The following EFR3B variants were observed in gnomAD, a reference collection of about 807,000 sequenced individuals.
The protein encoded by EFR3B is EFR3 homolog B, also known as protein EFR3 homolog B.
EFR3B carries 64 observed loss-of-function variants against 104.7 expected under a neutral mutation model. The observed-to-expected ratio is 0.61, with a 90% confidence interval of 0.50 to 0.75. The LOEUF is 0.75. EFR3B is among the 30% of genes least tolerant of loss of function. The pLI is 0.00. For missense variants in EFR3B, 750 were observed against 1,078.5 expected (o/e 0.70, Z 4.27); for synonymous variants, 385 against 417.9 (o/e 0.92, Z 0.96).
rs2149207696 is a variant in EFR3B at position 25,136,134 on chromosome 2, A to C, written c.1485-389A>C. 6.6e-6 allele frequency among the ~76,000 whole-genome samples: 1 copy of C among 152,186 alleles called. No individual in the cohort carries two copies. The highest frequency in any genetic ancestry group is 1.9e-4 in the East Asian group (1 of 5,160). On this transcript the variant is annotated intron_variant, in intron 13 of 22. Coordinates refer to ENST00000403714, the MANE Select transcript of EFR3B (RefSeq NM_014971.2). The surrounding 1 kb of genome is among the most constrained non-coding windows in gnomAD (Gnocchi z 4.0). ...AGTTCAAGACCAGCCAGGGCAACAT[A>C]GTGAGACCCCCATCTCTACAAGAAA...
Position 25,114,403 on chromosome 2 carries a change from G to A in EFR3B, c.364-7270G>A, listed in dbSNP as rs145321307. Among the ~76,000 whole-genome samples the A allele has an allele frequency of 2.0e-5, 3 of 152,294 alleles. No individual in the cohort carries two copies. Among genetic ancestry groups the A allele is most frequent in the Middle Eastern group, 6.8e-3 (2 of 294 alleles). On this transcript the variant is annotated intron_variant, in intron 4 of 22. Transcript: ENST00000403714. This position sits in a 1 kb window ranked among gnomAD's most constrained non-coding sequence, Gnocchi z 4.0. ...AAACCAAGGGATCCTAAGGAGGCTC[G>A]AGATCCTGGTACCAAAAAGGTGCTT...
rs529690516 is a variant in EFR3B, at chr2:25,141,316, C to G, written c.1855-50C>G. 3 of 1,538,720 alleles carry G rather than the reference C, an allele frequency of 1.9e-6. No homozygotes were observed. In the African/African-American group the frequency reaches 4.1e-5, roughly 21 times the overall value. Reference sequence around the variant, plus strand: ...TGGGAGCTCTTTCGTTGCCTGTGAGCTCCCTCTCCCTGCTGAACCAGCTCT... The same window carrying G: ...TGGGAGCTCTTTCGTTGCCTGTGAGGTCCCTCTCCCTGCTGAACCAGCTCT... On this transcript the variant is annotated intron_variant, in intron 16 of 22. Coordinates refer to ENST00000403714, the MANE Select transcript of EFR3B (RefSeq NM_014971.2).
chr2:25,142,096 C>T (rs1670684247), intron 17 of EFR3B, among the ~76,000 whole-genome samples: 1 of 152,032 alleles, frequency 6.6e-6, no homozygotes, highest in South Asian at 2.1e-4. Flanking sequence ...CCCATGAGTT[C>T]GAGACAACCA....
At chr2:25,107,918 G>A (rs191368635) in intron 4 of EFR3B, among the ~76,000 whole-genome samples, 16 of 151,356 alleles carry the variant, frequency 1.1e-4, no homozygotes, top group Admixed American at 3.3e-4. Flanking sequence ...ATCTTGGCTC[G>A]CTGCAACCTC....
chr2:25,045,506 G>A (rs1285498335), intron 1 of EFR3B, among the ~76,000 whole-genome samples: 1 of 152,254 alleles, frequency 6.6e-6, no homozygotes, highest in Non-Finnish European at 1.5e-5. Context: ...CTAAGGCTGG[G>A]CGTGGTGGCT....
intron 1 of EFR3B, among the ~76,000 whole-genome samples, chr2:25,045,617 AC>A (rs1667692581): frequency 6.6e-6 from 1 of 151,852 alleles, no homozygotes; most frequent in African/African-American, 2.4e-5. Context: ...CCCCGTCTCT[AC>A]CAAAAGTACA....
In EFR3B at chr2:25,087,104, G is replaced by A. The variant is rs116306973; in HGVS notation, c.8-4221G>A. On this transcript the variant is annotated intron_variant, in intron 1 of 22. Transcript: ENST00000403714. ...AACACGTCCTTCATATGGCGGCGGC[G>A]AGGAGAAGTGCAGAGTGAAGCAGGG... Among the ~76,000 whole-genome samples, 516 of 152,138 alleles carry A rather than the reference G, an allele frequency of 3.4e-3. 7 individuals are homozygous for A. Among genetic ancestry groups the A allele is most frequent in the African/African-American group, 0.012 (495 of 41,460 alleles).
At position 25,051,413 on chromosome 2, in the gene EFR3B, C is replaced by T. The variant is rs148900542; in HGVS notation, c.7+9094C>T. 2.0e-3 allele frequency among the ~76,000 whole-genome samples: 297 copies of T among 151,724 alleles called. 5 individuals are homozygous for T. Among genetic ancestry groups the T allele is most frequent in the African/African-American group, 6.8e-3 (279 of 41,066 alleles). On this transcript the variant is annotated intron_variant, in intron 1 of 22. Coordinates refer to ENST00000403714, the MANE Select transcript of EFR3B (RefSeq NM_014971.2). ...TACAGGCGTGAGCCACCACGCCCAG[C>T]CTGATTTCTCTTTTGATGGATGATG...
At chr2:25,074,968 C>T (rs1175608782) in intron 1 of EFR3B, among the ~76,000 whole-genome samples, 1 of 152,106 alleles carries the variant, frequency 6.6e-6, no homozygotes, top group Non-Finnish European at 1.5e-5. Flanking sequence ...GATTCATGGG[C>T]AGTTGCAAAG....
intron 19 of EFR3B, 65 bp downstream of exon 19, chr2:25,145,116 G>C: frequency 7.0e-7 from 1 of 1,436,322 alleles, no homozygotes; most frequent in Non-Finnish European, 9.6e-7. Flanking sequence ...TGGACTCCAG[G>C]CTCCCCTGCC....
chr2:25,043,399 C>T (rs917513571), intron 1 of EFR3B, among the ~76,000 whole-genome samples: 11 of 152,172 alleles, frequency 7.2e-5, no homozygotes, highest in African/African-American at 2.4e-4. Flanking sequence ...CCTCGCTCCG[C>T]GAACAGACTG....
intron 4 of EFR3B, among the ~76,000 whole-genome samples, 160 bp from the exon 5 acceptor site, chr2:25,121,513 G>A (rs1670013574): frequency 6.6e-6 from 1 of 152,196 alleles, no homozygotes; most frequent in African/African-American, 2.4e-5. Context: ...GAGCGGGATT[G>A]GGAACTCATC....
At chr2:25,110,288 C>T (rs1669689478) in intron 4 of EFR3B, among the ~76,000 whole-genome samples, 1 of 152,216 alleles carries the variant, frequency 6.6e-6, no homozygotes, top group African/African-American at 2.4e-5. Context: ...AATGCCCCCA[C>T]CTCAGAAAAC....
Position 25,125,702 on chromosome 2 carries a change from A to C in EFR3B, c.486-2481A>C, listed in dbSNP as rs554629548. 1.4e-4 allele frequency among the ~76,000 whole-genome samples: 22 copies of C among 152,312 alleles called. No homozygotes were observed. In the South Asian group the frequency reaches 4.1e-3, roughly 29 times the overall value. Reference sequence around the variant, plus strand: ...GGTGGCTCACGCCTGTAATCCCAGCACTTTGGGAGGCCAAGGCGGGAGGAT... The same window carrying C: ...GGTGGCTCACGCCTGTAATCCCAGCCCTTTGGGAGGCCAAGGCGGGAGGAT... On this transcript the variant is annotated intron_variant, in intron 5 of 22. Transcript: ENST00000403714.
At chr2:25,083,911 T>G (rs1366377601) in intron 1 of EFR3B, among the ~76,000 whole-genome samples, 7 of 152,164 alleles carry the variant, frequency 4.6e-5, no homozygotes, top group African/African-American at 1.7e-4. Flanking sequence ...ACACGTGCAC[T>G]CTACAGCCTG....
intron 1 of EFR3B, among the ~76,000 whole-genome samples, chr2:25,059,255 A>G (rs1360430960): frequency 2.6e-5 from 4 of 151,662 alleles, no homozygotes; most frequent in African/African-American, 9.7e-5. Context: ...TGGAATTACA[A>G]GCATGCTAAT....
intron 4 of EFR3B, chr2:25,116,194 A>C (rs1669854488): frequency 6.6e-6 from 1 of 152,222 alleles, no homozygotes; most frequent in Non-Finnish European, 1.5e-5. Context: ...AAAAAGTCTA[A>C]GCCTCTTAGA....
chr2:25,102,560 A>C (rs769072853), intron 3 of EFR3B, among the ~76,000 whole-genome samples: 30 of 152,164 alleles, frequency 2.0e-4, no homozygotes, highest in Non-Finnish European at 2.6e-4. Flanking sequence ...TCATGAGAAC[A>C]CACTATCACA....
At chr2:25,126,661 A>G (rs1670177521) in intron 5 of EFR3B, among the ~76,000 whole-genome samples, 1 of 151,004 alleles carries the variant, frequency 6.6e-6, no homozygotes, top group Non-Finnish European at 1.5e-5. Flanking sequence ...CGCCCGGCCT[A>G]ATGTTTTAAT....
Sources: allele counts gnomAD v4.1 joint callset (sites outside exome capture counted in the v4.1 genomes callset), GRCh38; gene constraint gnomAD v4.1.1; non-coding constraint Gnocchi (gnomAD v3.1); transcripts MANE v1.5; gene names NCBI Gene and HGNC (gene_info 2026-07-23, HGNC 2026-07-21).